Variants in ADAMTS3 observed in about 807,000 individuals in gnomAD.
ADAMTS3 encodes the protein A disintegrin and metalloproteinase with thrombospondin motifs 3.
Under a neutral mutation model 129.0 loss-of-function variants are expected in ADAMTS3, and 73 were observed. The ratio of observed to expected loss-of-function variants is 0.57; its 90% CI spans 0.47 to 0.69. The LOEUF is 0.69. ADAMTS3 is among the 30% of genes least tolerant of loss of function. ADAMTS3 has a pLI of 0.00. For missense variants in ADAMTS3, 1,457 were observed against 1,514.5 expected, an observed-to-expected ratio of 0.96 and a Z score of 0.63; for synonymous variants, 477 against 510.8, an observed-to-expected ratio of 0.93 and a Z score of 0.89.
chr4:72,399,280 G>T (rs1023619366), intron 4 of ADAMTS3, among the ~76,000 whole-genome samples: 1 of 151,928 alleles, frequency 6.6e-6, no homozygotes, highest in African/African-American at 2.4e-5. Flanking sequence ...AAAAGTAAAA[G>T]AAATTAGCTG....
intron 3 of ADAMTS3, among the ~76,000 whole-genome samples, chr4:72,495,149 G>A (rs1360355645): frequency 6.6e-6 from 1 of 152,180 alleles, no homozygotes; most frequent in Non-Finnish European, 1.5e-5. Context: ...CAGCCGCGAA[G>A]ACAGGGTCCA....
At chr4:72,394,736 A>G (rs1260211338) in intron 4 of ADAMTS3, among the ~76,000 whole-genome samples, 2 of 152,220 alleles carry the variant, frequency 1.3e-5, no homozygotes, top group Non-Finnish European at 2.9e-5. Context: ...CTGAACTAGT[A>G]AATACCACTA....
At chr4:72,462,138 A>G (rs1430093203) in intron 3 of ADAMTS3, among the ~76,000 whole-genome samples, 1 of 151,924 alleles carries the variant, frequency 6.6e-6, no homozygotes, top group Non-Finnish European at 1.5e-5. Flanking sequence ...GCTATAAAAA[A>G]TAAAGCAAGT....
chr4:72,554,947 G>T (rs973353110), intron 2 of ADAMTS3, among the ~76,000 whole-genome samples: 3 of 151,756 alleles, frequency 2.0e-5, no homozygotes, highest in Non-Finnish European at 2.9e-5. Context: ...TAGGCTTGTT[G>T]TAAAATTTAA....
intron 9 of ADAMTS3, 42 bp downstream of exon 9, chr4:72,319,290 C>T: frequency 1.9e-6 from 3 of 1,609,922 alleles, no homozygotes; most frequent in Non-Finnish European, 2.5e-6. Context: ...TGTCTGTAGG[C>T]TATAAAATAA....
chr4:72,401,566 C>CAAAAAAAAAAAAAAAAAAAAAA, intron 4 of ADAMTS3, among the ~76,000 whole-genome samples: 1 of 37,060 alleles, frequency 2.7e-5, no homozygotes, highest in South Asian at 1.7e-3. Context: ...TACTCTGTCT[C>CAAAAAAAAAAAAAAAAAAAAAA]AAAAAAAAAA....
intron 3 of ADAMTS3, among the ~76,000 whole-genome samples, chr4:72,497,471 G>A (rs1436896347): frequency 1.3e-5 from 2 of 151,452 alleles, no homozygotes; most frequent in African/African-American, 4.8e-5. Context: ...TATGGAAATG[G>A]TATAACTGAA....
chr4:72,568,634 G>T, intron 1 of ADAMTS3, 60 bp downstream of exon 1: 3 of 1,338,604 alleles, frequency 2.2e-6, no homozygotes, highest in Non-Finnish European at 2.1e-6. Context: ...GAGAGGGGAG[G>T]AACTTTTCGG....
Position 72,312,346 on chromosome 4 carries a change from G to A in ADAMTS3, c.1866C>T (p.Ser622=), listed in dbSNP as rs375719765. The A allele has an allele frequency of 6.2e-7, 1 of 1,613,788 alleles. No homozygotes were observed. Among genetic ancestry groups the A allele is most frequent in the South Asian group, 1.1e-5 (1 of 91,076 alleles). ...GTTTGGTATTCTGGTATTCAAAGTGGGAGTTTCGCTGCTGACACTGCTGTG... is the reference window on the plus strand; with the variant it reads ...GTTTGGTATTCTGGTATTCAAAGTGAGAGTTTCGCTGCTGACACTGCTGTG... ...FRAQQCQQRN[S]HFEYQNTKHH... The change falls in exon 13 of 22, where the codon TCC becomes TCT. Residue 622 remains serine, a synonymous_variant. Coordinates refer to ENST00000286657, the MANE Select transcript of ADAMTS3 (RefSeq NM_014243.3).
intron 4 of ADAMTS3, among the ~76,000 whole-genome samples, chr4:72,398,794 C>T (rs909243212): frequency 3.3e-5 from 5 of 152,102 alleles, no homozygotes; most frequent in Non-Finnish European, 5.9e-5. Context: ...CTGGAGGACC[C>T]CACAAACTAC....
intron 4 of ADAMTS3, among the ~76,000 whole-genome samples, chr4:72,384,390 A>T (rs1412982997): frequency 6.6e-6 from 1 of 152,230 alleles, no homozygotes; most frequent in African/African-American, 2.4e-5. Flanking sequence ...AAAACCACAG[A>T]TAACAGAAGA....
chr4:72,417,931 T>TTAAAAAAA lies in ADAMTS3; in HGVS notation c.505-2961_505-2960insTTTTTTTA, dbSNP rs76545577. 4.5e-4 allele frequency among the ~76,000 whole-genome samples: 45 copies of TTAAAAAAA among 100,662 alleles called. 5 individuals are homozygous for TTAAAAAAA. Among genetic ancestry groups the TTAAAAAAA allele is most frequent in the South Asian group, 8.4e-4 (2 of 2,394 alleles). The allele number at this position is 100,662 out of a possible 152,430, so 66.0% of individuals were successfully genotyped here. On this transcript the variant is annotated intron_variant, in intron 3 of 21. Transcript: ENST00000286657. ...CTGGGCGACAGAGGGAGACTCCATC[T>TTAAAAAAA]CAAAAAAAAAAAAGTAAGTACTTTA...
chr4:72,378,779 T>C (rs994810045), intron 4 of ADAMTS3, among the ~76,000 whole-genome samples: 2 of 152,194 alleles, frequency 1.3e-5, no homozygotes, highest in South Asian at 2.1e-4. Flanking sequence ...TACAGTCTTG[T>C]AGGCCAGAAG....
intron 4 of ADAMTS3, among the ~76,000 whole-genome samples, chr4:72,357,874 T>C (rs1720622090): frequency 6.6e-6 from 1 of 151,968 alleles, no homozygotes; most frequent in South Asian, 2.1e-4. Context: ...CATATGCCAA[T>C]GGCTTTGTTT....
At chr4:72,403,647 A>T (rs1259664224) in intron 4 of ADAMTS3, among the ~76,000 whole-genome samples, 1 of 152,042 alleles carries the variant, frequency 6.6e-6, no homozygotes, top group African/African-American at 2.4e-5. Flanking sequence ...TTTTTCTAAC[A>T]TTAATTTTAT....
chr4:72,436,258 T>C (rs903351530), intron 3 of ADAMTS3, among the ~76,000 whole-genome samples: 13 of 152,022 alleles, frequency 8.6e-5, no homozygotes, highest in Non-Finnish European at 1.8e-4. Context: ...GAAAAAAATG[T>C]TCATCATCAC....
intron 7 of ADAMTS3, among the ~76,000 whole-genome samples, chr4:72,320,476 C>T (rs1425345941): frequency 1.3e-5 from 2 of 152,126 alleles, no homozygotes; most frequent in African/African-American, 4.8e-5. Context: ...CCCTCCATGC[C>T]CCAAATGCAC....
chr4:72,438,280 T>G (rs1446797361), intron 3 of ADAMTS3, among the ~76,000 whole-genome samples: 3 of 151,752 alleles, frequency 2.0e-5, no homozygotes, highest in African/African-American at 7.2e-5. Flanking sequence ...TTTCTCAACC[T>G]TTTTGGTCCT....
At chr4:72,444,089 G>GCA in intron 3 of ADAMTS3, among the ~76,000 whole-genome samples, 1 of 151,876 alleles carries the variant, frequency 6.6e-6, no homozygotes, top group Middle Eastern at 3.4e-3. Flanking sequence ...GAGGCAGCAG[G>GCA]CTGCACAGCT....
Sources: allele counts gnomAD v4.1 joint callset (sites outside exome capture counted in the v4.1 genomes callset), GRCh38; gene constraint gnomAD v4.1.1; transcripts MANE v1.5; gene names NCBI Gene and HGNC (gene_info 2026-07-23, HGNC 2026-07-21).